Variants in CAPS2 observed in about 807,000 individuals in gnomAD.
CAPS2 encodes the protein calcyphosine 2, also known as calcyphosin-2.
In CAPS2, 98 loss-of-function variants were observed where a neutral mutation model predicts 86.5. The ratio of observed to expected loss-of-function variants is 1.13; its 90% confidence interval spans 0.96 to 1.34. CAPS2 has a LOEUF of 1.34. CAPS2 is among the 40% of genes most tolerant of loss of function. The probability of loss-of-function intolerance (pLI) is 0.00; values close to 1 mark genes in which losing one functional copy is unlikely to be tolerated. For synonymous variants in CAPS2, 210 were observed against 225.1 expected (o/e 0.93, Z 0.60); for missense variants, 729 against 686.8 (o/e 1.06, Z -0.69).
exon 17 of CAPS2, chr12:75,278,202 C>T: frequency 1.0e-6 from 1 of 979,798 alleles, no homozygotes; most frequent in Non-Finnish European, 1.2e-6. Context: ...TACAACTGGG[C>T]ATTAGAATAA....
chr12:75,383,508 C>T (rs1703928225), intron 1 of CAPS2, among the ~76,000 whole-genome samples: 1 of 152,006 alleles, frequency 6.6e-6, no homozygotes, highest in Non-Finnish European at 1.5e-5. Flanking sequence ...TGTATATGCA[C>T]CTAACAAGAG....
At chr12:75,280,575 C>T (rs1484625726) in intron 16 of CAPS2, among the ~76,000 whole-genome samples, 1 of 151,376 alleles carries the variant, frequency 6.6e-6, no homozygotes, top group Non-Finnish European at 1.5e-5. Context: ...GAAAAAAATA[C>T]ATGATGTTAA....
exon 6 of CAPS2, chr12:75,316,333 C>A: frequency 2.6e-6 from 4 of 1,550,944 alleles, no homozygotes; most frequent in Non-Finnish European, 3.5e-6. Context: ...TTCTTGCCCT[C>A]TGTTGTTTAT....
At chr12:75,316,939 T>C (rs1317810592) in intron 5 of CAPS2, among the ~76,000 whole-genome samples, 1 of 152,130 alleles carries the variant, frequency 6.6e-6, no homozygotes, top group South Asian at 2.1e-4. Flanking sequence ...TCTTTGACTA[T>C]GCGTTTACGC....
At chr12:75,291,590 T>TTCTTTTTTAA (rs1190372733) in intron 13 of CAPS2, among the ~76,000 whole-genome samples, 154 bp downstream of exon 13, 1 of 94,898 alleles carries the variant, frequency 1.1e-5, no homozygotes, top group African/African-American at 3.3e-5. Flanking sequence ...TATATATATA[T>TTCTTTTTTAA]ATATATATAT....
intron 1 of CAPS2, chr12:75,371,535 GA>G: frequency 3.6e-6 from 1 of 274,284 alleles, no homozygotes; most frequent in East Asian, 1.4e-4. Context: ...TTGTCTACTT[GA>G]AAAATACACA....
chr12:75,325,993 A>G (rs1565915637), intron 1 of CAPS2, among the ~76,000 whole-genome samples: 1 of 152,178 alleles, frequency 6.6e-6, no homozygotes, highest in Non-Finnish European at 1.5e-5. Flanking sequence ...CTTAGCCACC[A>G]TGAAATAGAA....
chr12:75,326,840 C>T (rs1299248924), upstream of CAPS2, among the ~76,000 whole-genome samples: 2 of 152,074 alleles, frequency 1.3e-5, no homozygotes, highest in Non-Finnish European at 2.9e-5. Flanking sequence ...CTTTGGTGGG[C>T]TCAGTGTAAC....
chr12:75,379,879 T>G (rs924525526), intron 1 of CAPS2, among the ~76,000 whole-genome samples: 2 of 147,014 alleles, frequency 1.4e-5, no homozygotes, highest in Non-Finnish European at 3.0e-5. Context: ...AAAAAAAAAT[T>G]GTAGAGTGAC....
chr12:75,296,412 C>T (rs888173679), intron 11 of CAPS2, among the ~76,000 whole-genome samples: 1 of 152,060 alleles, frequency 6.6e-6, no homozygotes, highest in Non-Finnish European at 1.5e-5. Flanking sequence ...CTGCCTCAGT[C>T]TCCCGAGTAG....
chr12:75,285,242 A>T (rs900179656), intron 14 of CAPS2, among the ~76,000 whole-genome samples, 162 bp from the exon 15 acceptor site: 1 of 152,098 alleles, frequency 6.6e-6, no homozygotes, highest in African/African-American at 2.4e-5. Flanking sequence ...CCACTAAAAA[A>T]GTGATTTAGA....
chr12:75,389,687 T>C (rs763934364), intron 1 of CAPS2, among the ~76,000 whole-genome samples: 1 of 152,204 alleles, frequency 6.6e-6, no homozygotes, highest in African/African-American at 2.4e-5. Flanking sequence ...TTACATGCTT[T>C]TCCCTTTGTT....
intron 1 of CAPS2, among the ~76,000 whole-genome samples, chr12:75,367,321 A>T (rs2044043674): frequency 6.6e-6 from 1 of 150,690 alleles, no homozygotes; most frequent in Non-Finnish European, 1.5e-5. Context: ...AGTAACACTT[A>T]GCTTAAAACA....
At chr12:75,305,619 A>C in intron 7 of CAPS2, 1 of 618,768 alleles carries the variant, frequency 1.6e-6, no homozygotes. Flanking sequence ...AGCGACCGGA[A>C]GGCTCAGCAG....
chr12:75,321,547 T>C (rs985054689), exon 5 of CAPS2: 1 of 1,548,926 alleles, frequency 6.5e-7, no homozygotes, highest in African/African-American at 1.4e-5. Context: ...CTGTTGGTGC[T>C]GGCAAATTTT....
At chr12:75,298,552 C>T in intron 11 of CAPS2, 135 bp downstream of exon 11, 2 of 615,584 alleles carry the variant, frequency 3.2e-6, no homozygotes, top group Non-Finnish European at 5.6e-6. Flanking sequence ...AACCATTAGC[C>T]CACACAAATG....
At chr12:75,279,162 T>C (rs2033431937) in intron 16 of CAPS2, 97 bp from the exon 17 acceptor site, 11 of 1,124,546 alleles carry the variant, frequency 9.8e-6, no homozygotes, top group Non-Finnish European at 1.4e-5. Context: ...TGAAATACTT[T>C]CAACAATTTG....
At chr12:75,386,652 C>G (rs987416408) in intron 1 of CAPS2, among the ~76,000 whole-genome samples, 1 of 152,032 alleles carries the variant, frequency 6.6e-6, no homozygotes, top group African/African-American at 2.4e-5. Flanking sequence ...TTTAGGGGGA[C>G]ATATTCAAAC....
At chr12:75,367,632 T>A (rs2044068480) in intron 1 of CAPS2, among the ~76,000 whole-genome samples, 2 of 152,252 alleles carry the variant, frequency 1.3e-5, no homozygotes, top group African/African-American at 4.8e-5. Flanking sequence ...CCTTAAAAAA[T>A]TTAAATGCTT....
Sources: allele counts gnomAD v4.1 joint callset (sites outside exome capture counted in the v4.1 genomes callset), GRCh38; gene constraint gnomAD v4.1.1; transcripts MANE v1.5; gene names NCBI Gene and HGNC (gene_info 2026-07-23, HGNC 2026-07-21).